RASA2: variants seen among roughly 807,000 people sequenced by gnomAD.
The protein encoded by RASA2 is RAS p21 protein activator 2.
A neutral mutation model predicts 118.2 loss-of-function variants in RASA2; 155 were observed. That is an observed-to-expected ratio of 1.31 (90% confidence interval 1.15 to 1.50). The LOEUF is 1.50. RASA2 is among the 40% of genes most tolerant of loss of function. RASA2 has a pLI of 0.00. For synonymous variants in RASA2, 353 were observed against 349.1 expected, an observed-to-expected ratio of 1.01 and a Z score of -0.12; for missense variants, 1,016 against 1,009.6, an observed-to-expected ratio of 1.01 and a Z score of -0.09.
At chr3:141,494,624 C>T (rs546832037) in intron 1 of RASA2, among the ~76,000 whole-genome samples, 4 of 152,334 alleles carry the variant, frequency 2.6e-5, no homozygotes, top group Admixed American at 2.0e-4. Context: ...GCTTCAGCCT[C>T]CCAAAGTGCT....
chr3:141,554,649 C>T (rs117804796), intron 6 of RASA2, among the ~76,000 whole-genome samples: 1 of 152,276 alleles, frequency 6.6e-6, no homozygotes, highest in East Asian at 1.9e-4. Flanking sequence ...TGCATACATA[C>T]ACACCCCTTT....
intron 1 of RASA2, among the ~76,000 whole-genome samples, chr3:141,493,913 T>C (rs1297407417): frequency 1.3e-5 from 2 of 152,232 alleles, no homozygotes; most frequent in Non-Finnish European, 2.9e-5. Flanking sequence ...ATACAAATTA[T>C]AGCAAAATAT....
intron 15 of RASA2, among the ~76,000 whole-genome samples, chr3:141,580,016 A>G (rs2083076663): frequency 7.1e-6 from 1 of 140,666 alleles, no homozygotes; most frequent in African/African-American, 2.7e-5. Flanking sequence ...CGGTTATGCC[A>G]CTACACTCCA....
At chr3:141,586,265 A>G (rs963986952) in intron 18 of RASA2, among the ~76,000 whole-genome samples, 167 bp downstream of exon 18, 1 of 152,168 alleles carries the variant, frequency 6.6e-6, no homozygotes, top group Admixed American at 6.5e-5. Flanking sequence ...ACTTTATGGC[A>G]AAAAAGCATG....
intron 1 of RASA2, among the ~76,000 whole-genome samples, chr3:141,504,464 C>G (rs1432679835): frequency 6.6e-6 from 1 of 152,182 alleles, no homozygotes; most frequent in African/African-American, 2.4e-5. Flanking sequence ...GCTGCTCAGA[C>G]TAAGACTCTT....
chr3:141,512,083 A>T, intron 1 of RASA2, 80 bp from the exon 2 acceptor site: 1 of 895,092 alleles, frequency 1.1e-6, no homozygotes, highest in Non-Finnish European at 1.8e-6. Flanking sequence ...ATGTTCTTTC[A>T]GATTGAAGTC....
intron 3 of RASA2, among the ~76,000 whole-genome samples, chr3:141,518,352 G>A (rs1182401154): frequency 6.6e-6 from 1 of 151,144 alleles, no homozygotes. Flanking sequence ...GAGCGGCGGT[G>A]CGCACCTGTA....
rs117859738 is a variant in RASA2, at chr3:141,534,431, T to C, written c.450+4629T>C. Among the ~76,000 whole-genome samples the C allele has an allele frequency of 1.4e-3, 219 of 152,240 alleles. 7 individuals are homozygous for C. In the East Asian group the frequency reaches 0.025, roughly 17 times the overall value. The stretch of plus-strand genomic sequence containing the variant: ...CCATATGGAGAATTTGCTGCTCTCA[T>C]TAATTAAGGAGTTTGTCTCACACAA... On this transcript the variant is annotated intron_variant, in intron 4 of 23. Transcript: ENST00000286364.
intron 9 of RASA2, among the ~76,000 whole-genome samples, chr3:141,569,597 T>C (rs2082881053): frequency 6.6e-6 from 1 of 152,236 alleles, no homozygotes; most frequent in Non-Finnish European, 1.5e-5. Flanking sequence ...TTGTCAATGG[T>C]ACTTTACAAT....
intron 19 of RASA2, among the ~76,000 whole-genome samples, chr3:141,599,212 A>G (rs1032895835): frequency 1.3e-5 from 2 of 149,528 alleles, no homozygotes; most frequent in Admixed American, 6.6e-5. Flanking sequence ...ATGTTTGTGG[A>G]TTGAAGATTG....
In RASA2 at chr3:141,578,146, A is replaced by C. The variant is rs1577774350; in HGVS notation, c.1590+1040A>C. 2.0e-5 allele frequency among the ~76,000 whole-genome samples: 3 copies of C among 152,216 alleles called. No homozygotes were observed. In the East Asian group the frequency reaches 5.8e-4, roughly 29 times the overall value. ...TCCTCCTAGCAACCTGGTAAGGTAA[A>C]TTCTGTTATCATCCACATGTGCAGA... On this transcript the variant is annotated intron_variant, in intron 15 of 23. Transcript: ENST00000286364.
intron 9 of RASA2, among the ~76,000 whole-genome samples, chr3:141,569,153 AT>A (rs1406758318): frequency 6.6e-6 from 1 of 152,190 alleles, no homozygotes; most frequent in Non-Finnish European, 1.5e-5. Context: ...AAAATAATGA[AT>A]TATTGAAGAA....
At chr3:141,509,724 G>A (rs781138106) in intron 1 of RASA2, among the ~76,000 whole-genome samples, 4 of 152,194 alleles carry the variant, frequency 2.6e-5, no homozygotes, top group Non-Finnish European at 4.4e-5. Flanking sequence ...AAGAGGGAAT[G>A]GGGTAGAGAG....
chr3:141,561,948 G>C (rs1345319550), intron 9 of RASA2, among the ~76,000 whole-genome samples: 1 of 150,978 alleles, frequency 6.6e-6, no homozygotes, highest in Non-Finnish European at 1.5e-5. Context: ...TTTTTTTTGT[G>C]GGGGGGCGGT....
chr3:141,551,107 C>G (rs763567885), intron 5 of RASA2, among the ~76,000 whole-genome samples: 2 of 152,024 alleles, frequency 1.3e-5, no homozygotes, highest in African/African-American at 2.4e-5. Flanking sequence ...TTCTTAGTTC[C>G]TTGCATTCCT....
intron 9 of RASA2, among the ~76,000 whole-genome samples, chr3:141,565,716 T>G (rs1244025972): frequency 1.3e-5 from 2 of 152,206 alleles, no homozygotes; most frequent in Non-Finnish European, 2.9e-5. Flanking sequence ...ACCTCTTTCC[T>G]TTATAAATTA....
intron 1 of RASA2, among the ~76,000 whole-genome samples, chr3:141,509,625 AG>A (rs2081920724): frequency 2.0e-5 from 3 of 152,238 alleles, no homozygotes; most frequent in Non-Finnish European, 4.4e-5. Context: ...ATTATGCAGA[AG>A]GGAGACGTCA....
At chr3:141,596,271 G>A (rs962411008) in intron 19 of RASA2, among the ~76,000 whole-genome samples, 2 of 152,084 alleles carry the variant, frequency 1.3e-5, no homozygotes, top group African/African-American at 2.4e-5. Flanking sequence ...CCTATAGATT[G>A]AAGAATTCAC....
At chr3:141,513,896 CTA>C (rs372250588) in intron 2 of RASA2, among the ~76,000 whole-genome samples, 185 of 152,258 alleles carry the variant, frequency 1.2e-3, no homozygotes, top group African/African-American at 4.3e-3. Flanking sequence ...ACAAAAGAAA[CTA>C]TCATTTCAGA....
Sources: gnomAD v4.1 joint callset for allele counts (sites outside exome capture counted in the v4.1 genomes callset) on GRCh38, gnomAD v4.1.1 for gene constraint, MANE v1.5 for transcripts, NCBI Gene and HGNC (gene_info 2026-07-23, HGNC 2026-07-21) for gene names.